Variants in CACNA1D observed in about 807,000 individuals in gnomAD.
CACNA1D encodes the protein calcium voltage-gated channel subunit alpha1 D.
In CACNA1D, 55 loss-of-function variants were observed where a neutral mutation model predicts 257.1. The observed-to-expected ratio is 0.21, with a 90% CI of 0.17 to 0.27. CACNA1D has a LOEUF of 0.27. Ranked by LOEUF, CACNA1D falls within the 10% of genes least tolerant of loss-of-function variation. The probability of loss-of-function intolerance (pLI) is 1.00; values close to 1 mark genes in which losing one functional copy is unlikely to be tolerated. For missense variants in CACNA1D, 1,876 were observed against 2,784.0 expected (o/e 0.67, Z 7.34); for synonymous variants, 980 against 1,014.9 (o/e 0.97, Z 0.65).
In CACNA1D at chr3:53,800,434, G is replaced by C; in HGVS notation, c.5040+69G>C. On this transcript the variant is annotated intron_variant, in intron 41 of 47. Coordinates refer to ENST00000350061, the MANE Select transcript of CACNA1D (RefSeq NM_001128840.3). This position sits in a 1 kb window ranked among gnomAD's most constrained non-coding sequence, Gnocchi z 4.3. The stretch of plus-strand genomic sequence containing the variant: ...GCAGGGCAGGACTCCAGTTTGGGCA[G>C]TTAATCATCCACAGAAGAGTCTGGA... 1 of 1,049,790 alleles carries C rather than the reference G, an allele frequency of 9.5e-7. No homozygotes were observed. The highest frequency in any genetic ancestry group is 1.5e-6 in the Non-Finnish European group (1 of 664,946). The allele number at this position is 1,049,790 out of a possible 1,614,324, so 65.0% of individuals were successfully genotyped here.
At chr3:53,734,016 GTATATA>G (rs58714566) in intron 19 of CACNA1D, among the ~76,000 whole-genome samples, 9,624 of 131,426 alleles carry the variant, frequency 0.073, 466 homozygotes, top group African/African-American at 0.13. Context: ...ATATGTGTGT[GTATATA>G]TATATATATA....
At chr3:53,746,227 T>A (rs755953877) in intron 25 of CACNA1D, among the ~76,000 whole-genome samples, 18 of 152,152 alleles carry the variant, frequency 1.2e-4, no homozygotes, top group Admixed American at 4.6e-4. Context: ...AATTATGAAA[T>A]GCCCCAAATA....
At chr3:53,544,226 C>G (rs893485505) in intron 3 of CACNA1D, among the ~76,000 whole-genome samples, 2 of 152,152 alleles carry the variant, frequency 1.3e-5, no homozygotes, top group Non-Finnish European at 2.9e-5. Flanking sequence ...GTCTTTCTCT[C>G]CTTCCCCAAT....
chr3:53,747,781 CCATT>C (rs3082680), intron 26 of CACNA1D, among the ~76,000 whole-genome samples: 106,324 of 150,498 alleles, frequency 0.71, 39,875 homozygotes, highest in East Asian at 0.88. Context: ...GTGTCCCAAA[CCATT>C]CATTCATTCA....
At chr3:53,605,544 G>A (rs2093498448) in intron 3 of CACNA1D, among the ~76,000 whole-genome samples, 2 of 152,208 alleles carry the variant, frequency 1.3e-5, no homozygotes, top group Non-Finnish European at 2.9e-5. Flanking sequence ...GATGCCTTCA[G>A]AAGCCAGATA....
In CACNA1D at chr3:53,810,258, A is replaced by G; in HGVS notation, c.6152A>G (p.Asn2051Ser). 6.2e-7 allele frequency: 1 copy of G among 1,613,860 alleles called. No individual in the cohort carries two copies. The highest frequency in any genetic ancestry group is 2.2e-5 in the East Asian group (1 of 44,872). The change falls in exon 47 of 48, where the codon AAC becomes AGC. Residue 2051 changes from asparagine to serine, a missense_variant. Physicochemically the swap from Asn to Ser is conservative, Grantham distance 46. Coordinates refer to ENST00000350061, the MANE Select transcript of CACNA1D (RefSeq NM_001128840.3). The stretch of plus-strand genomic sequence containing the variant: ...GTCCCCAGCAGCTTCCGGAACAAAA[A>G]CAGCGACAAGCAGAGGAGTGCGGAC... The part of the protein sequence containing the change: ...LTVPSSFRNK[N>S]SDKQRSADSL...
intron 3 of CACNA1D, among the ~76,000 whole-genome samples, chr3:53,610,570 T>C (rs2093570495): frequency 6.6e-6 from 1 of 152,202 alleles, no homozygotes; most frequent in Non-Finnish European, 1.5e-5. Flanking sequence ...GAAAGACCAG[T>C]TTTAGTTGGG....
At chr3:53,599,519 C>CT (rs1162030159) in intron 3 of CACNA1D, among the ~76,000 whole-genome samples, 1 of 152,092 alleles carries the variant, frequency 6.6e-6, no homozygotes, top group African/African-American at 2.4e-5. Context: ...ATAGCCCAGA[C>CT]TTTAAAGTCA....
At chr3:53,691,709 AATATATATATTACATATATAAT>A (rs1388902323) in intron 8 of CACNA1D, among the ~76,000 whole-genome samples, 5 of 54,706 alleles carry the variant, frequency 9.1e-5, no homozygotes, top group African/African-American at 3.7e-4. Flanking sequence ...TTACATATAT[AATATATATATTACATATATAAT>A]ATATATATTA....
At chr3:53,809,689 C>A (rs2095585992) in intron 46 of CACNA1D, 1 of 480,744 alleles carries the variant, frequency 2.1e-6, no homozygotes, top group Non-Finnish European at 3.8e-6. Flanking sequence ...GTTGGGCTTC[C>A]CTGATTCTTC....
chr3:53,660,040 T>A, intron 4 of CACNA1D, 93 bp from the exon 5 acceptor site: 1 of 1,096,422 alleles, frequency 9.1e-7, no homozygotes. Flanking sequence ...CCACACAGAA[T>A]TAGCCCTTTT....
At chr3:53,620,538 C>T (rs1009126966) in intron 3 of CACNA1D, among the ~76,000 whole-genome samples, 3 of 152,190 alleles carry the variant, frequency 2.0e-5, no homozygotes, top group African/African-American at 7.2e-5. Context: ...AGGATTTCCC[C>T]TCTTGGCTTC....
At chr3:53,650,023 G>A (rs2094071640) in intron 3 of CACNA1D, among the ~76,000 whole-genome samples, 1 of 152,238 alleles carries the variant, frequency 6.6e-6, no homozygotes, top group Non-Finnish European at 1.5e-5. Flanking sequence ...CAGCACCTGT[G>A]AGGTCTGTGG....
intron 9 of CACNA1D, among the ~76,000 whole-genome samples, chr3:53,707,253 C>T (rs1247044746): frequency 6.6e-6 from 1 of 152,110 alleles, no homozygotes; most frequent in African/African-American, 2.4e-5. Context: ...TGATGCCATA[C>T]TCCACCCTCT....
At chr3:53,645,494 T>C (rs1479642885) in intron 3 of CACNA1D, among the ~76,000 whole-genome samples, 1 of 152,178 alleles carries the variant, frequency 6.6e-6, no homozygotes, top group Non-Finnish European at 1.5e-5. Flanking sequence ...GATTTTTGTA[T>C]ATGGGGTGAG....
chr3:53,803,300 A>G (rs2095545361), intron 43 of CACNA1D, 123 bp from the exon 44 acceptor site: 1 of 987,492 alleles, frequency 1.0e-6, no homozygotes, highest in Non-Finnish European at 1.6e-6. Context: ...TGCCTGAGGC[A>G]GGTGCGCGCT....
At chr3:53,754,100 TTTTG>T (rs2095246701) in intron 29 of CACNA1D, among the ~76,000 whole-genome samples, 1 of 152,282 alleles carries the variant, frequency 6.6e-6, no homozygotes, top group Non-Finnish European at 1.5e-5. Flanking sequence ...AAAGACTTTG[TTTTG>T]TTTGTTCTTG....
At chr3:53,562,540 A>C (rs2092758681) in intron 3 of CACNA1D, among the ~76,000 whole-genome samples, 2 of 152,226 alleles carry the variant, frequency 1.3e-5, no homozygotes, top group African/African-American at 4.8e-5. Flanking sequence ...AGTATAGTTT[A>C]CATATCAAAA....
chr3:53,657,707 T>C (rs568795147), intron 4 of CACNA1D, among the ~76,000 whole-genome samples: 1 of 152,334 alleles, frequency 6.6e-6, no homozygotes, highest in Non-Finnish European at 1.5e-5. Context: ...GGAAGAATTA[T>C]GATGTCTTCA....
Sources: allele counts gnomAD v4.1 joint callset (sites outside exome capture counted in the v4.1 genomes callset), GRCh38; gene constraint gnomAD v4.1.1; non-coding constraint Gnocchi (gnomAD v3.1); transcripts MANE v1.5; gene names NCBI Gene and HGNC (gene_info 2026-07-23, HGNC 2026-07-21).